PROS1: variants seen among roughly 807,000 people sequenced by gnomAD.
PROS1 encodes the protein protein S, also known as vitamin K-dependent protein S.
Under a neutral mutation model 75.9 loss-of-function variants are expected in PROS1, and 29 were observed. The observed-to-expected ratio is 0.38, with a 90% confidence interval of 0.28 to 0.52. PROS1 has a LOEUF of 0.52. PROS1 is among the 20% of genes least tolerant of loss of function. PROS1 has a pLI of 0.83. For missense variants in PROS1, 680 were observed against 810.3 expected (o/e 0.84, Z 1.95); for synonymous variants, 245 against 280.6 (o/e 0.87, Z 1.27).
intron 1 of PROS1, among the ~76,000 whole-genome samples, chr3:93,941,359 T>A (rs138607992): frequency 6.6e-6 from 1 of 152,160 alleles, no homozygotes; most frequent in Non-Finnish European, 1.5e-5. Flanking sequence ...TAGTTCTTCA[T>A]GAAAACCCAC....
At chr3:93,931,039 C>G (rs903988525) in intron 1 of PROS1, among the ~76,000 whole-genome samples, 6 of 152,172 alleles carry the variant, frequency 3.9e-5, no homozygotes, top group African/African-American at 1.4e-4. Flanking sequence ...TGGATTTCAT[C>G]TAGTTCAGCC....
Position 93,879,407 on chromosome 3 carries a change from A to T in PROS1, c.1493-93T>A, listed in dbSNP as rs536044080. On this transcript the variant is annotated intron_variant, in intron 12 of 14. Transcript: ENST00000394236. The stretch of plus-strand genomic sequence containing the variant: ...TAACACAGTCCAGGTAATATTCAAA[A>T]CTATCTTGTGTAATACTATTTCCAT... 98 of 1,465,680 alleles carry T rather than the reference A, an allele frequency of 6.7e-5. 2 individuals carry two copies. In the South Asian group the frequency reaches 1.1e-3, roughly 16 times the overall value. The allele number at this position is 1,465,680 out of a possible 1,614,324, so 90.8% of individuals were successfully genotyped here.
At chr3:93,955,979 A>G (rs929272169) in intron 1 of PROS1, among the ~76,000 whole-genome samples, 3 of 152,216 alleles carry the variant, frequency 2.0e-5, no homozygotes, top group African/African-American at 2.4e-5. Flanking sequence ...TCCTGACTAT[A>G]TAACAGAAGA....
chr3:93,961,192 T>C (rs1458327023), intron 1 of PROS1, among the ~76,000 whole-genome samples: 2 of 152,048 alleles, frequency 1.3e-5, no homozygotes, highest in Non-Finnish European at 2.9e-5. Flanking sequence ...GACCAGCATG[T>C]GAAAAGGCCA....
At chr3:93,874,490 GT>G in intron 14 of PROS1, 85 bp from the exon 15 acceptor site, 1 of 1,541,522 alleles carries the variant, frequency 6.5e-7, no homozygotes, top group Non-Finnish European at 8.8e-7. Context: ...CAGACTTCCT[GT>G]TTCCAACCAA....
At chr3:93,954,961 C>G (rs1433389183) in intron 1 of PROS1, among the ~76,000 whole-genome samples, 3 of 152,158 alleles carry the variant, frequency 2.0e-5, no homozygotes, top group Non-Finnish European at 4.4e-5. Flanking sequence ...ATGCAGCCAA[C>G]AGACACATGA....
chr3:93,910,898 A>G, intron 3 of PROS1, 193 bp from the exon 4 acceptor site: 1 of 579,640 alleles, frequency 1.7e-6, no homozygotes, highest in Non-Finnish European at 3.1e-6. Flanking sequence ...AGATGGCAAC[A>G]GATACAGAAA....
At chr3:93,965,121 C>T (rs535528182) in intron 1 of PROS1, among the ~76,000 whole-genome samples, 1 of 152,316 alleles carries the variant, frequency 6.6e-6, no homozygotes, top group South Asian at 2.1e-4. Flanking sequence ...GGGATAAAAA[C>T]CCAGGCATTC....
rs1012352107 is a variant in PROS1 at position 93,936,001 on chromosome 3, G to GT, written c.77-8595dup. 1.5e-3 allele frequency among the ~76,000 whole-genome samples: 214 copies of GT among 143,418 alleles called. 1 individual carries two copies. The highest frequency in any genetic ancestry group is 1.5e-3 in the Non-Finnish European group (98 of 65,300). 94.1% of individuals were successfully genotyped at this position (143,418 alleles called of 152,430 possible). ...CCACAGACAAAATGAAAAAACTACTGTTTTTTTTTTCATAGTAAGTAAAAT... is the reference window on the plus strand; with the variant it reads ...CCACAGACAAAATGAAAAAACTACTGTTTTTTTTTTTCATAGTAAGTAAAAT... On this transcript the variant is annotated intron_variant, in intron 1 of 14. Coordinates refer to ENST00000394236, the MANE Select transcript of PROS1 (RefSeq NM_000313.4).
At chr3:93,962,870 T>A (rs1709727382) in intron 1 of PROS1, among the ~76,000 whole-genome samples, 1 of 152,224 alleles carries the variant, frequency 6.6e-6, no homozygotes, top group Non-Finnish European at 1.5e-5. Context: ...TTGGTAGATG[T>A]CTTATTTTTG....
intron 3 of PROS1, among the ~76,000 whole-genome samples, chr3:93,919,711 A>AT (rs1346619701): frequency 4.6e-5 from 7 of 152,158 alleles, no homozygotes; most frequent in Middle Eastern, 3.4e-3. Flanking sequence ...CTTTAATTTC[A>AT]TGGTTTTATT....
At chr3:93,878,150 G>A (rs1458098309) in intron 13 of PROS1, among the ~76,000 whole-genome samples, 2 of 152,106 alleles carry the variant, frequency 1.3e-5, no homozygotes, top group Non-Finnish European at 2.9e-5. Flanking sequence ...CATGGCATGC[G>A]TTAACCTCCT....
At chr3:93,954,734 A>G (rs1380024257) in intron 1 of PROS1, among the ~76,000 whole-genome samples, 1 of 152,252 alleles carries the variant, frequency 6.6e-6, no homozygotes. Flanking sequence ...ATGGGATCTA[A>G]TTAAACTAAA....
At chr3:93,945,515 C>G (rs1576208985) in intron 1 of PROS1, among the ~76,000 whole-genome samples, 1 of 152,116 alleles carries the variant, frequency 6.6e-6, no homozygotes, top group Non-Finnish European at 1.5e-5. Flanking sequence ...ATATGTAAAT[C>G]AATAAATCTA....
At chr3:93,890,115 T>C (rs1708410801) in intron 10 of PROS1, among the ~76,000 whole-genome samples, 1 of 152,108 alleles carries the variant, frequency 6.6e-6, no homozygotes, top group African/African-American at 2.4e-5. Context: ...AGTGTCTGTC[T>C]TATGCAGTTG....
chr3:93,881,943 T>C (rs1187512766), intron 12 of PROS1, among the ~76,000 whole-genome samples: 3 of 152,100 alleles, frequency 2.0e-5, no homozygotes, highest in Non-Finnish European at 4.4e-5. Flanking sequence ...GTGTTAACAA[T>C]TTATAATGCA....
chr3:93,910,008 G>A (rs1395755877), intron 4 of PROS1, among the ~76,000 whole-genome samples: 2 of 151,996 alleles, frequency 1.3e-5, no homozygotes, highest in Non-Finnish European at 2.9e-5. Context: ...TTAAATTAGA[G>A]AAAAACACAG....
At chr3:93,884,655 A>C in intron 12 of PROS1, 73 bp downstream of exon 12, 1 of 1,459,710 alleles carries the variant, frequency 6.9e-7, no homozygotes, top group Non-Finnish European at 9.5e-7. Context: ...TTTCACAAAT[A>C]AATTATTACT....
rs573977757 is a variant in PROS1 at position 93,922,516 on chromosome 3, T to C, written c.259+1724A>G. On this transcript the variant is annotated intron_variant, in intron 3 of 14. Coordinates refer to ENST00000394236, the MANE Select transcript of PROS1 (RefSeq NM_000313.4). Reference sequence around the variant, plus strand: ...TTTTCAAGATAGTACATGGAATATGTAGGCCAATTGAAGTGCTTTATCAGC... The same window carrying C: ...TTTTCAAGATAGTACATGGAATATGCAGGCCAATTGAAGTGCTTTATCAGC... Among the ~76,000 whole-genome samples, 7 of 152,344 alleles carry C rather than the reference T, an allele frequency of 4.6e-5. No individual in the cohort carries two copies. In the South Asian group the frequency reaches 1.0e-3, roughly 23 times the overall value.
Sources: allele counts gnomAD v4.1 joint callset (sites outside exome capture counted in the v4.1 genomes callset), GRCh38; gene constraint gnomAD v4.1.1; transcripts MANE v1.5; gene names NCBI Gene and HGNC (gene_info 2026-07-23, HGNC 2026-07-21).